The following SAMMSON variants were observed in gnomAD, a reference collection of about 807,000 sequenced individuals.
The protein encoded by SAMMSON is survival associated mitochondrial melanoma specific oncogenic non-coding RNA.
chr3:70,186,088 C>A (rs956874812), intron 4 of SAMMSON, among the ~76,000 whole-genome samples: 4 of 152,150 alleles, frequency 2.6e-5, no homozygotes, highest in Non-Finnish European at 5.9e-5. Context: ...TCAACATCCC[C>A]ACTTCAAACA....
chr3:70,143,358 A>AT (rs2067535433), intron 4 of SAMMSON, among the ~76,000 whole-genome samples: 2 of 150,218 alleles, frequency 1.3e-5, no homozygotes, highest in Admixed American at 1.3e-4. Flanking sequence ...GAATCAGGGT[A>AT]TATGTGTGAA....
At chr3:70,342,901 T>A (rs1380800846) in intron 7 of SAMMSON, among the ~76,000 whole-genome samples, 1 of 152,188 alleles carries the variant, frequency 6.6e-6, no homozygotes, top group Admixed American at 6.5e-5. Context: ...GGCTTGTTCC[T>A]ATATTATAGT....
chr3:70,147,413 G>C (rs2067553377), intron 4 of SAMMSON, among the ~76,000 whole-genome samples: 1 of 151,934 alleles, frequency 6.6e-6, no homozygotes, highest in South Asian at 2.1e-4. Flanking sequence ...CTCAATTTTT[G>C]GACTTACTGT....
At chr3:70,132,972 T>A (rs534515424) in intron 4 of SAMMSON, among the ~76,000 whole-genome samples, 16 of 152,248 alleles carry the variant, frequency 1.1e-4, no homozygotes, top group African/African-American at 3.9e-4. Flanking sequence ...TGGTCTCACC[T>A]GTGAATAAAT....
intron 4 of SAMMSON, among the ~76,000 whole-genome samples, chr3:70,140,901 AC>A (rs2067525203): frequency 6.6e-6 from 1 of 152,174 alleles, no homozygotes; most frequent in South Asian, 2.1e-4. Flanking sequence ...TCTGTTCGTG[AC>A]CACTTTGGAA....
chr3:70,012,971 TCTA>T (rs1396560406), intron 2 of SAMMSON, among the ~76,000 whole-genome samples: 2 of 152,180 alleles, frequency 1.3e-5, no homozygotes, highest in Non-Finnish European at 2.9e-5. Flanking sequence ...TGATCAATAA[TCTA>T]CTATCCAGTT....
chr3:70,031,874 T>C (rs1019266499), intron 3 of SAMMSON, among the ~76,000 whole-genome samples: 1 of 152,098 alleles, frequency 6.6e-6, no homozygotes, highest in Admixed American at 6.6e-5. Flanking sequence ...AGTACCAGGC[T>C]CACAGTAAGC....
intron 4 of SAMMSON, among the ~76,000 whole-genome samples, chr3:70,098,674 C>T (rs1444185217): frequency 2.0e-5 from 3 of 152,012 alleles, no homozygotes; most frequent in Non-Finnish European, 4.4e-5. Flanking sequence ...GCCTCTTTTT[C>T]ATTTCTAAAA....
chr3:70,005,257 C>T (rs1460608223), intron 1 of SAMMSON, among the ~76,000 whole-genome samples: 3 of 152,058 alleles, frequency 2.0e-5, no homozygotes, highest in Non-Finnish European at 4.4e-5. Flanking sequence ...TAACAGAGCA[C>T]CCCAAAACTT....
chr3:70,043,860 A>G (rs2067114431), intron 3 of SAMMSON, among the ~76,000 whole-genome samples: 2 of 152,046 alleles, frequency 1.3e-5, no homozygotes, highest in African/African-American at 2.4e-5. Flanking sequence ...TACATTAGCA[A>G]TGAAGCTTTT....
intron 3 of SAMMSON, among the ~76,000 whole-genome samples, chr3:70,045,804 T>G (rs909683637): frequency 6.6e-6 from 1 of 152,134 alleles, no homozygotes; most frequent in Non-Finnish European, 1.5e-5. Flanking sequence ...ATGTGTTACC[T>G]TGGGAAAATC....
At chr3:70,076,777 G>A (rs1332694776) in intron 4 of SAMMSON, among the ~76,000 whole-genome samples, 2 of 152,098 alleles carry the variant, frequency 1.3e-5, no homozygotes, top group Non-Finnish European at 2.9e-5. Flanking sequence ...TTAACATTTG[G>A]AATGCGTTTC....
chr3:70,035,350 C>G (rs1238076198), intron 3 of SAMMSON, among the ~76,000 whole-genome samples: 1 of 150,352 alleles, frequency 6.7e-6, no homozygotes, highest in Non-Finnish European at 1.5e-5. Context: ...AGAGAAAACA[C>G]TCTTTTATAA....
chr3:70,164,635 G>T (rs1420168610), intron 4 of SAMMSON, among the ~76,000 whole-genome samples: 1 of 151,946 alleles, frequency 6.6e-6, no homozygotes, highest in Admixed American at 6.6e-5. Flanking sequence ...GAGCTCCATA[G>T]CCAGACCATC....
intron 7 of SAMMSON, among the ~76,000 whole-genome samples, chr3:70,292,868 A>T (rs1291340548): frequency 6.6e-6 from 1 of 152,056 alleles, no homozygotes; most frequent in Non-Finnish European, 1.5e-5. Flanking sequence ...CCTTGATAGA[A>T]ATACTATATA....
At chr3:70,138,388 A>G (rs1451141805) in intron 4 of SAMMSON, among the ~76,000 whole-genome samples, 1 of 152,172 alleles carries the variant, frequency 6.6e-6, no homozygotes, top group African/African-American at 2.4e-5. Context: ...TCAGAGACCC[A>G]CTTCCTAGGT....
chr3:70,193,078 G>A (rs1052342283), intron 4 of SAMMSON, among the ~76,000 whole-genome samples: 1 of 152,146 alleles, frequency 6.6e-6, no homozygotes, highest in African/African-American at 2.4e-5. Flanking sequence ...AGGGAATTGA[G>A]AACCACTGCT....
intron 4 of SAMMSON, among the ~76,000 whole-genome samples, chr3:70,110,301 C>T (rs1375028747): frequency 6.6e-6 from 1 of 152,158 alleles, no homozygotes; most frequent in Non-Finnish European, 1.5e-5. Flanking sequence ...GCTGATTGTC[C>T]TAGAGCTCAG....
At chr3:70,026,409 GTCTC>G (rs890042266) in intron 3 of SAMMSON, among the ~76,000 whole-genome samples, 1 of 151,462 alleles carries the variant, frequency 6.6e-6, no homozygotes, top group Non-Finnish European at 1.5e-5. Flanking sequence ...TTTCTCACTT[GTCTC>G]TCTTTCTTCC....
Sources: allele counts gnomAD v4.1 joint callset (sites outside exome capture counted in the v4.1 genomes callset), GRCh38; gene constraint gnomAD v4.1.1; transcripts MANE v1.5; gene names NCBI Gene and HGNC (gene_info 2026-07-23, HGNC 2026-07-21).